The following PPP1R12A variants were observed in gnomAD, a reference collection of about 807,000 sequenced individuals.
PPP1R12A encodes the protein myosin binding subunit.
In PPP1R12A, 19 loss-of-function variants were observed where a neutral mutation model predicts 139.6. The observed-to-expected ratio is 0.14, with a 90% CI of 0.09 to 0.20. The LOEUF is 0.20. PPP1R12A is among the 10% of genes least tolerant of loss of function. PPP1R12A has a pLI of 1.00. For synonymous variants in PPP1R12A, 427 were observed against 420.6 expected (o/e 1.02, Z -0.19); for missense variants, 925 against 1,211.5 (o/e 0.76, Z 3.51).
chr12:79,777,752 G>A (rs1036601723), intron 24 of PPP1R12A: 10 of 616,034 alleles, frequency 1.6e-5, no homozygotes, highest in African/African-American at 8.0e-5. Context: ...AAAATATTAC[G>A]TCTTAAAGGA....
intron 1 of PPP1R12A, among the ~76,000 whole-genome samples, chr12:79,904,329 A>C (rs1852798): frequency 0.1 from 15,722 of 152,070 alleles, 2,201 homozygotes; most frequent in African/African-American, 0.32. Context: ...TAAATGACTA[A>C]AGTCATTTCA....
chr12:79,845,435 GA>G lies in PPP1R12A; in HGVS notation c.369-16del. On this transcript the variant is annotated splice_polypyrimidine_tract_variant and intron_variant, in intron 2 of 24. Transcript: ENST00000450142. Reference sequence around the variant, plus strand: ...CAATCAAAAACCTGTAAAACCAAAGGAAAAATAGTTAAGCAAAAGATATTAT... The same window carrying G: ...CAATCAAAAACCTGTAAAACCAAAGGAAAATAGTTAAGCAAAAGATATTAT... 6.5e-7 allele frequency: 1 copy of G among 1,542,812 alleles called. No homozygotes were observed. Among genetic ancestry groups the G allele is most frequent in the Non-Finnish European group, 8.9e-7 (1 of 1,126,686 alleles).
At chr12:79,883,986 A>T (rs1376796888) in intron 1 of PPP1R12A, among the ~76,000 whole-genome samples, 1 of 152,176 alleles carries the variant, frequency 6.6e-6, no homozygotes, top group African/African-American at 2.4e-5. Flanking sequence ...ACTAAGAAGG[A>T]ATGGTGGTCG....
At chr12:79,885,044 TAATTA>T (rs375182930) in intron 1 of PPP1R12A, among the ~76,000 whole-genome samples, 141 of 152,290 alleles carry the variant, frequency 9.3e-4, no homozygotes, top group African/African-American at 3.0e-3. Flanking sequence ...TAAACAAACA[TAATTA>T]AATTGAGTAA....
chr12:79,897,209 A>T (rs74965114), intron 1 of PPP1R12A, among the ~76,000 whole-genome samples: 6 of 152,202 alleles, frequency 3.9e-5, no homozygotes, highest in African/African-American at 1.4e-4. Flanking sequence ...AGAGAGCCAT[A>T]AAAAAATAAC....
chr12:79,842,897 C>A (rs191839597), intron 3 of PPP1R12A, among the ~76,000 whole-genome samples: 237 of 152,190 alleles, frequency 1.6e-3, no homozygotes, highest in Non-Finnish European at 2.8e-3. Flanking sequence ...AACATATCTA[C>A]ACAGCTTTTT....
At position 79,779,240 on chromosome 12, in the gene PPP1R12A, C is replaced by T. The variant is rs1870117640; in HGVS notation, c.2956-640G>A. The T allele has an allele frequency of 3.6e-6, 4 of 1,103,436 alleles. No individual in the cohort carries two copies. In the Admixed American group the frequency reaches 9.2e-5, roughly 25 times the overall value. The allele number at this position is 1,103,436 out of a possible 1,614,324, so 68.4% of individuals were successfully genotyped here. A position where few individuals can be genotyped will look rare whatever the true frequency, so the allele number is the denominator to read the frequency against. The stretch of plus-strand genomic sequence containing the variant: ...ATTGCAGTGTACTGTTTTATTCTCC[C>T]TTAAATGATAAGCATTCTGGGGTGT... On this transcript the variant is annotated intron_variant, in intron 23 of 24. Coordinates refer to ENST00000450142, the MANE Select transcript of PPP1R12A (RefSeq NM_002480.3).
intron 1 of PPP1R12A, among the ~76,000 whole-genome samples, chr12:79,931,222 T>G (rs1888229689): frequency 6.6e-6 from 1 of 152,188 alleles, no homozygotes; most frequent in African/African-American, 2.4e-5. Flanking sequence ...AAGAAATCCT[T>G]TGAAGAAATC....
intron 11 of PPP1R12A, 77 bp from the exon 12 acceptor site, chr12:79,807,407 T>G: frequency 1.2e-6 from 1 of 864,976 alleles, no homozygotes; most frequent in East Asian, 2.8e-5. Context: ...TAGTAAATAT[T>G]AGTATAAGCT....
chr12:79,917,698 C>T (rs1200229200), intron 1 of PPP1R12A, among the ~76,000 whole-genome samples: 1 of 151,348 alleles, frequency 6.6e-6, no homozygotes, highest in Non-Finnish European at 1.5e-5. Flanking sequence ...ATATTTTGAG[C>T]AAAAAAGAAA....
Position 79,935,001 on chromosome 12 carries a change from A to T in PPP1R12A, c.-70T>A. On this transcript the variant is annotated 5_prime_UTR_variant, in exon 1 of 25. Coordinates refer to ENST00000450142, the MANE Select transcript of PPP1R12A (RefSeq NM_002480.3). Reference sequence around the variant, plus strand: ...GGGAGGCGGAGAGGGAAGAGAGGGGAGGCAGGGGGTGTGTGAATGTTTCTA... The same window carrying T: ...GGGAGGCGGAGAGGGAAGAGAGGGGTGGCAGGGGGTGTGTGAATGTTTCTA... 2 of 1,494,224 alleles carry T rather than the reference A, an allele frequency of 1.3e-6. No individual in the cohort carries two copies. Among genetic ancestry groups the T allele is most frequent in the South Asian group, 1.3e-5 (1 of 76,054 alleles). The allele number at this position is 1,494,224 out of a possible 1,614,324, so 92.6% of individuals were successfully genotyped here.
chr12:79,910,316 C>A (rs1292781420), intron 1 of PPP1R12A, among the ~76,000 whole-genome samples: 1 of 151,812 alleles, frequency 6.6e-6, no homozygotes, highest in East Asian at 2.0e-4. Context: ...CTTGTCTCCA[C>A]TAAAAATACA....
intron 1 of PPP1R12A, among the ~76,000 whole-genome samples, chr12:79,932,480 C>G (rs1888325212): frequency 6.6e-6 from 1 of 152,156 alleles, no homozygotes; most frequent in African/African-American, 2.4e-5. Context: ...CGATTTAAGG[C>G]ATTTGCAGAT....
chr12:79,855,226 G>A (rs1007935637), intron 2 of PPP1R12A, among the ~76,000 whole-genome samples: 5 of 151,986 alleles, frequency 3.3e-5, no homozygotes, highest in African/African-American at 1.2e-4. Context: ...CTGACCTCGT[G>A]ATCCGCCCGC....
At chr12:79,933,602 C>T (rs1398846697) in intron 1 of PPP1R12A, among the ~76,000 whole-genome samples, 2 of 152,184 alleles carry the variant, frequency 1.3e-5, no homozygotes, top group Non-Finnish European at 1.5e-5. Flanking sequence ...TTCCAAGTTG[C>T]CCGCTAAGAA....
intron 3 of PPP1R12A, among the ~76,000 whole-genome samples, chr12:79,838,494 C>T (rs1878343041): frequency 6.6e-6 from 1 of 152,226 alleles, no homozygotes; most frequent in African/African-American, 2.4e-5. Flanking sequence ...ATGTCAAAGA[C>T]TTTCAAGGCA....
chr12:79,776,943 G>A (rs1200774625), intron 24 of PPP1R12A, among the ~76,000 whole-genome samples: 1 of 151,898 alleles, frequency 6.6e-6, no homozygotes, highest in African/African-American at 2.4e-5. Flanking sequence ...TGCAAAACTA[G>A]GTAAAGCAAA....
intron 1 of PPP1R12A, among the ~76,000 whole-genome samples, chr12:79,889,490 C>A (rs1884399467): frequency 6.6e-6 from 1 of 152,162 alleles, no homozygotes; most frequent in South Asian, 2.1e-4. Flanking sequence ...TAGGGAGACA[C>A]TGACTGGGAA....
intron 1 of PPP1R12A, among the ~76,000 whole-genome samples, chr12:79,896,108 G>C (rs954928661): frequency 2.0e-5 from 3 of 152,036 alleles, no homozygotes; most frequent in Non-Finnish European, 4.4e-5. Flanking sequence ...GAGAATTAAG[G>C]AGAGATAAGA....
Sources: gnomAD v4.1 joint callset for allele counts (sites outside exome capture counted in the v4.1 genomes callset) on GRCh38, gnomAD v4.1.1 for gene constraint, MANE v1.5 for transcripts, NCBI Gene and HGNC (gene_info 2026-07-23, HGNC 2026-07-21) for gene names.